Variants in GPR176 observed in about 807,000 individuals in gnomAD.
The protein encoded by GPR176 is G protein-coupled receptor 176, also known as G-protein coupled receptor 176.
In GPR176, 26 loss-of-function variants were observed where a neutral mutation model predicts 35.4. The ratio of observed to expected loss-of-function variants is 0.74; its 90% CI spans 0.54 to 1.02. The LOEUF (loss-of-function observed/expected upper bound fraction) is 1.02. Ranked by LOEUF, GPR176 falls within the 50% of genes least tolerant of loss-of-function variation. GPR176 has a pLI of 0.00. For synonymous variants in GPR176, 278 were observed against 271.3 expected, an observed-to-expected ratio of 1.02 and a Z score of -0.24; for missense variants, 597 against 665.3, an observed-to-expected ratio of 0.90 and a Z score of 1.13.
intron 1 of GPR176, among the ~76,000 whole-genome samples, chr15:39,821,315 G>A (rs275718): frequency 0.65 from 99,296 of 152,020 alleles, 32,548 homozygotes; most frequent in Admixed American, 0.71. Flanking sequence ...GGGAAAGATC[G>A]ATTTTCTACT....
intron 1 of GPR176, among the ~76,000 whole-genome samples, chr15:39,915,235 G>A (rs377247231): frequency 1.4e-4 from 22 of 152,306 alleles, no homozygotes; most frequent in Middle Eastern, 3.4e-3. Flanking sequence ...GAGTGCTAAC[G>A]TGGTTGGGTT....
At chr15:39,827,882 G>A (rs1014560751) in intron 1 of GPR176, among the ~76,000 whole-genome samples, 3 of 152,172 alleles carry the variant, frequency 2.0e-5, no homozygotes, top group Admixed American at 6.5e-5. Context: ...TGTTGACAGT[G>A]ACTCTCAAAT....
chr15:39,801,954 TATG>T lies in GPR176; in HGVS notation c.723_725del (p.Ile242del). On this transcript the variant is annotated inframe_deletion, in exon 3 of 3. Coordinates refer to ENST00000561100, the MANE Select transcript of GPR176 (RefSeq NM_007223.3). ...TGTTCTGTGGGGTCCGGAGCGCTGCTATGATGACCTTCTTCTTCTGGCTGGCAC... is the reference window on the plus strand; with the variant it reads ...TGTTCTGTGGGGTCCGGAGCGCTGCTATGACCTTCTTCTTCTGGCTGGCAC... 2 of 1,614,096 alleles carry T rather than the reference TATG, an allele frequency of 1.2e-6. No individual in the cohort carries two copies. Among genetic ancestry groups the T allele is most frequent in the Non-Finnish European group, 1.7e-6 (2 of 1,179,992 alleles).
chr15:39,907,350 T>C (rs1445771065), intron 1 of GPR176, among the ~76,000 whole-genome samples: 3 of 152,236 alleles, frequency 2.0e-5, no homozygotes, highest in African/African-American at 7.2e-5. Flanking sequence ...TCCATTTGGA[T>C]GCCTGGGCTT....
chr15:39,837,623 G>A (rs1303054098), intron 1 of GPR176, among the ~76,000 whole-genome samples: 3 of 152,036 alleles, frequency 2.0e-5, no homozygotes, highest in Non-Finnish European at 2.9e-5. Flanking sequence ...ACTAGTAGTG[G>A]TAACAGTAGT....
intron 1 of GPR176, chr15:39,815,170 A>C (rs116088774): frequency 6.6e-6 from 1 of 152,340 alleles, no homozygotes; most frequent in Non-Finnish European, 1.5e-5. Flanking sequence ...AGAGGAAAAG[A>C]AACATGGAGC....
At chr15:39,842,922 T>G (rs1019413189) in intron 1 of GPR176, among the ~76,000 whole-genome samples, 4 of 151,916 alleles carry the variant, frequency 2.6e-5, no homozygotes, top group Admixed American at 2.6e-4. Flanking sequence ...GACTTCAGAT[T>G]CTGAATACAG....
chr15:39,901,076 C>G (rs2033263102), intron 1 of GPR176, among the ~76,000 whole-genome samples: 1 of 151,792 alleles, frequency 6.6e-6, no homozygotes, highest in Admixed American at 6.6e-5. Context: ...TCCCCTCCTG[C>G]CTTTTTGAAT....
chr15:39,824,051 C>T (rs1900459461), intron 1 of GPR176, among the ~76,000 whole-genome samples: 1 of 151,752 alleles, frequency 6.6e-6, no homozygotes, highest in South Asian at 2.1e-4. Flanking sequence ...GGCCCGGTGC[C>T]ATCCCCATGG....
chr15:39,917,059 A>T (rs1021780495), intron 1 of GPR176, among the ~76,000 whole-genome samples: 1 of 152,150 alleles, frequency 6.6e-6, no homozygotes, highest in Non-Finnish European at 1.5e-5. Context: ...CGGTGGGTTG[A>T]TCACCTGAGG....
At chr15:39,860,256 A>G (rs1244955801) in intron 1 of GPR176, among the ~76,000 whole-genome samples, 1 of 152,256 alleles carries the variant, frequency 6.6e-6, no homozygotes, top group African/African-American at 2.4e-5. Context: ...GTCCTGGTAA[A>G]GGCCGGGGTT....
At chr15:39,867,414 A>G (rs926962687) in intron 1 of GPR176, among the ~76,000 whole-genome samples, 3 of 152,218 alleles carry the variant, frequency 2.0e-5, no homozygotes, top group African/African-American at 2.4e-5. Context: ...GAGAGAAGAC[A>G]GCAGACACAC....
intron 1 of GPR176, among the ~76,000 whole-genome samples, chr15:39,919,409 T>C (rs2033813650): frequency 6.6e-6 from 1 of 152,152 alleles, no homozygotes; most frequent in Non-Finnish European, 1.5e-5. Context: ...TCAAAATAAT[T>C]GTATATATTA....
intron 1 of GPR176, among the ~76,000 whole-genome samples, chr15:39,869,626 T>C (rs1021788303): frequency 6.6e-6 from 1 of 152,236 alleles, no homozygotes; most frequent in Non-Finnish European, 1.5e-5. Context: ...TGTTCCCTTT[T>C]TAATCCCTTC....
At chr15:39,890,550 C>T (rs2032833668) in intron 1 of GPR176, among the ~76,000 whole-genome samples, 1 of 152,196 alleles carries the variant, frequency 6.6e-6, no homozygotes, top group African/African-American at 2.4e-5. Flanking sequence ...GAATCATATA[C>T]TTTGATTTTG....
chr15:39,826,843 G>C (rs193255091), intron 1 of GPR176, among the ~76,000 whole-genome samples: 1 of 152,118 alleles, frequency 6.6e-6, no homozygotes, highest in African/African-American at 2.4e-5. Context: ...CTGACACAGT[G>C]TATCCTAATG....
At position 39,878,364 on chromosome 15, in the gene GPR176, T is replaced by C. The variant is rs559840798; in HGVS notation, c.172+41491A>G. Reference sequence around the variant, plus strand: ...TAGATTCCACATATAAGTGAAATCATACAGTACTGTCTTTTTGTGGCTGGC... The same window carrying C: ...TAGATTCCACATATAAGTGAAATCACACAGTACTGTCTTTTTGTGGCTGGC... On this transcript the variant is annotated intron_variant, in intron 1 of 2. Coordinates refer to ENST00000561100, the MANE Select transcript of GPR176 (RefSeq NM_007223.3). Among the ~76,000 whole-genome samples the C allele has an allele frequency of 2.6e-5, 4 of 152,224 alleles. No homozygotes were observed. In the East Asian group the frequency reaches 5.8e-4, roughly 22 times the overall value.
intron 1 of GPR176, chr15:39,807,473 T>A: frequency 8.9e-7 from 1 of 1,121,862 alleles, no homozygotes. Context: ...CTAGAAAAAA[T>A]TTTAGTGGTG....
chr15:39,829,338 C>T, intron 1 of GPR176: 1 of 1,347,018 alleles, frequency 7.4e-7, no homozygotes, highest in Non-Finnish European at 9.6e-7. Context: ...TGCCAAAGTT[C>T]CATGGGGGCA....
Sources: allele counts gnomAD v4.1 joint callset (sites outside exome capture counted in the v4.1 genomes callset), GRCh38; gene constraint gnomAD v4.1.1; transcripts MANE v1.5; gene names NCBI Gene and HGNC (gene_info 2026-07-23, HGNC 2026-07-21).